The following CNOT2 variants were observed in gnomAD, a reference collection of about 807,000 sequenced individuals.
The protein encoded by CNOT2 is CC chemokine receptor 4-negative regulator of transcription 2.
A neutral mutation model predicts 72.1 loss-of-function variants in CNOT2; 7 were observed. The observed-to-expected ratio is 0.10, with a 90% confidence interval of 0.06 to 0.18. CNOT2 has a LOEUF of 0.18. CNOT2 is among the 10% of genes least tolerant of loss of function. CNOT2 has a pLI of 1.00. For missense variants in CNOT2, 345 were observed against 660.3 expected, an observed-to-expected ratio of 0.52 and a Z score of 5.23; for synonymous variants, 196 against 225.6, an observed-to-expected ratio of 0.87 and a Z score of 1.17.
chr12:70,272,120 A>T (rs1447186254), intron 1 of CNOT2, among the ~76,000 whole-genome samples: 1 of 152,210 alleles, frequency 6.6e-6, no homozygotes, highest in East Asian at 1.9e-4. Flanking sequence ...AAGGAAAATG[A>T]TGTTTCCATA....
rs554304623 is a variant in CNOT2 at position 70,294,308 on chromosome 12, G to A, written c.48+16034G>A. On this transcript the variant is annotated intron_variant, in intron 2 of 15. Transcript: ENST00000229195. ...GAAGTTGCACAGGTAAGTATGTGGT[G>A]GGGAAAGCCGGGGGAAAAATGGTAC... 31 of 1,288,694 alleles carry A rather than the reference G, an allele frequency of 2.4e-5. No homozygotes were observed. In the South Asian group the frequency reaches 3.3e-4, roughly 14 times the overall value. The allele number at this position is 1,288,694 out of a possible 1,614,324, so 79.8% of individuals were successfully genotyped here.
At chr12:70,282,480 C>G (rs892294847) in intron 2 of CNOT2, among the ~76,000 whole-genome samples, 1 of 152,104 alleles carries the variant, frequency 6.6e-6, no homozygotes, top group Non-Finnish European at 1.5e-5. Context: ...TCACAGATGC[C>G]TATTACCAAA....
intron 2 of CNOT2, among the ~76,000 whole-genome samples, chr12:70,292,321 C>T (rs1872063432): frequency 6.6e-6 from 1 of 151,928 alleles, no homozygotes; most frequent in Non-Finnish European, 1.5e-5. Flanking sequence ...GATATAACAT[C>T]AATATTATGA....
At chr12:70,279,591 A>G (rs1869462978) in intron 2 of CNOT2, among the ~76,000 whole-genome samples, 1 of 152,162 alleles carries the variant, frequency 6.6e-6, no homozygotes, top group South Asian at 2.1e-4. Context: ...CTTGACTCAT[A>G]AGATTTTAAT....
At chr12:70,261,305 C>CTTTTTTTTTTTTTTTTTTTTT (rs71437141) in intron 1 of CNOT2, among the ~76,000 whole-genome samples, 1 of 43,340 alleles carries the variant, frequency 2.3e-5, no homozygotes, top group African/African-American at 8.7e-5. Flanking sequence ...TTCTTTCTTT[C>CTTTTTTTTTTTTTTTTTTTTT]TTTTTTTTTT....
At chr12:70,252,862 G>C (rs1308346440) in intron 1 of CNOT2, among the ~76,000 whole-genome samples, 1 of 152,140 alleles carries the variant, frequency 6.6e-6, no homozygotes, top group African/African-American at 2.4e-5. Flanking sequence ...TGGGTTTTTT[G>C]TTCGTGTTCG....
chr12:70,264,226 T>C (rs1032661668), intron 1 of CNOT2, among the ~76,000 whole-genome samples: 13 of 152,216 alleles, frequency 8.5e-5, no homozygotes, highest in Non-Finnish European at 1.6e-4. Context: ...GCTATCTCTC[T>C]TCCCAGTTCT....
chr12:70,343,448 G>A (rs998230539), intron 13 of CNOT2, among the ~76,000 whole-genome samples: 41 of 152,170 alleles, frequency 2.7e-4, no homozygotes, highest in Admixed American at 2.6e-4. Flanking sequence ...CTTGGGGAGA[G>A]AAATGTAAAG....
intron 1 of CNOT2, among the ~76,000 whole-genome samples, chr12:70,252,211 A>G (rs369884757): frequency 1.3e-3 from 200 of 152,210 alleles, no homozygotes; most frequent in African/African-American, 4.5e-3. Context: ...TTTTTGAGAC[A>G]GGTCTCACTT....
chr12:70,246,557 G>C (rs1322187956), intron 1 of CNOT2, among the ~76,000 whole-genome samples: 1 of 152,124 alleles, frequency 6.6e-6, no homozygotes, highest in East Asian at 1.9e-4. Context: ...TGATGATACA[G>C]GTGACTGTTC....
At chr12:70,290,738 C>A (rs745612030) in intron 2 of CNOT2, 2 of 152,024 alleles carry the variant, frequency 1.3e-5, no homozygotes, top group Non-Finnish European at 2.9e-5. Context: ...GACAGGGTCT[C>A]ACTATGTTGC....
chr12:70,344,512 C>T, intron 14 of CNOT2: 1 of 287,726 alleles, frequency 3.5e-6, no homozygotes, highest in South Asian at 7.1e-5. Context: ...CACTTGAGGC[C>T]AGAAGTTAGG....
chr12:70,307,345 T>C (rs1269569486), intron 2 of CNOT2, among the ~76,000 whole-genome samples: 5 of 152,210 alleles, frequency 3.3e-5, no homozygotes, highest in African/African-American at 1.2e-4. Flanking sequence ...CTTATATTCA[T>C]ACTTAGCTTT....
chr12:70,322,881 A>C (rs902119871), intron 4 of CNOT2: 2 of 151,844 alleles, frequency 1.3e-5, no homozygotes, highest in African/African-American at 4.8e-5. Flanking sequence ...ATGCTTAGTA[A>C]TAAGTACAGA....
At chr12:70,290,136 A>C (rs1023364420) in intron 2 of CNOT2, among the ~76,000 whole-genome samples, 1 of 151,582 alleles carries the variant, frequency 6.6e-6, no homozygotes, top group Admixed American at 6.6e-5. Context: ...TATGTAAATT[A>C]TGTTTTTCTA....
intron 2 of CNOT2, among the ~76,000 whole-genome samples, chr12:70,303,712 G>A (rs183729673): frequency 7.2e-5 from 11 of 152,092 alleles, no homozygotes; most frequent in East Asian, 3.9e-4. Flanking sequence ...TGCTCTTCTC[G>A]AGGAGTATCT....
intron 2 of CNOT2, among the ~76,000 whole-genome samples, chr12:70,301,000 T>G (rs963984462): frequency 1.3e-4 from 20 of 152,090 alleles, no homozygotes; most frequent in African/African-American, 3.1e-4. Flanking sequence ...TGGGAGTTCT[T>G]TCATGATTTG....
At chr12:70,316,006 T>A (rs1021759639) in intron 3 of CNOT2, among the ~76,000 whole-genome samples, 2 of 152,198 alleles carry the variant, frequency 1.3e-5, no homozygotes, top group South Asian at 4.1e-4. Context: ...TATTAGCAGC[T>A]GCTGCTACCA....
rs932180112 is a variant in CNOT2, at chr12:70,346,085, T to A, written c.1392-95T>A. ...TCATATTTATTTATTTTATGTGTAA[T>A]TTTTTTTTTCCGGAGGAAAGCTTTA... On this transcript the variant is annotated intron_variant, in intron 14 of 15. Coordinates refer to ENST00000229195, the MANE Select transcript of CNOT2 (RefSeq NM_014515.7). 8 of 680,716 alleles carry A rather than the reference T, an allele frequency of 1.2e-5. No homozygotes were observed. The African/African-American group carries it at 1.3e-4, about 11-fold the overall frequency. The allele number at this position is 680,716 out of a possible 1,614,324, so 42.2% of individuals were successfully genotyped here. A position where few individuals can be genotyped will look rare whatever the true frequency, so the allele number is the denominator to read the frequency against.
Sources: allele counts gnomAD v4.1 joint callset (sites outside exome capture counted in the v4.1 genomes callset), GRCh38; gene constraint gnomAD v4.1.1; transcripts MANE v1.5; gene names NCBI Gene and HGNC (gene_info 2026-07-23, HGNC 2026-07-21).